The following GPR63 variants were observed in gnomAD, a reference collection of about 807,000 sequenced individuals.
GPR63 encodes the protein G protein-coupled receptor 63.
Under a neutral mutation model 23.1 loss-of-function variants are expected in GPR63, and 12 were observed. The ratio of observed to expected loss-of-function variants is 0.52; its 90% CI spans 0.33 to 0.84. GPR63 has a LOEUF of 0.84. GPR63 is among the 40% of genes least tolerant of loss of function. The probability of loss-of-function intolerance (pLI) is 0.02; values close to 1 mark genes in which losing one functional copy is unlikely to be tolerated. For synonymous variants in GPR63, 172 were observed against 191.1 expected (o/e 0.90, Z 0.82); for missense variants, 472 against 515.6 (o/e 0.92, Z 0.82).
intron 1 of GPR63, among the ~76,000 whole-genome samples, chr6:96,801,914 T>C (rs1773775932): frequency 6.6e-6 from 1 of 152,146 alleles, no homozygotes. Context: ...ATAATCACCA[T>C]CAGCCTCTAT....
intron 1 of GPR63, among the ~76,000 whole-genome samples, chr6:96,826,079 A>G (rs1263272529): frequency 6.6e-6 from 1 of 152,138 alleles, no homozygotes; most frequent in East Asian, 1.9e-4. Context: ...GCATAAAATA[A>G]CTATTCATTT....
rs1233964858 is a variant in GPR63 at position 96,796,692 on chromosome 6, G to A, written c.*1780C>T. 2 of 152,226 alleles carry A rather than the reference G, an allele frequency of 1.3e-5. No homozygotes were observed. Among genetic ancestry groups the A allele is most frequent in the Non-Finnish European group, 2.9e-5 (2 of 68,056 alleles). 9.4% of individuals were successfully genotyped at this position (152,226 alleles called of 1,614,324 possible). A position where few individuals can be genotyped will look rare whatever the true frequency, so the allele number is the denominator to read the frequency against. On this transcript the variant is annotated 3_prime_UTR_variant, in exon 2 of 2. Coordinates refer to ENST00000229955, the MANE Select transcript of GPR63 (RefSeq NM_030784.4). ...ACGTTCACAAACTCCAGCTCTGCTA[G>A]GGCAAGCATTGGGGCAACAATACTA...
In GPR63 at chr6:96,799,279, T is replaced by C; in HGVS notation, c.453A>G (p.Lys151=). 1 of 1,614,074 alleles carries C rather than the reference T, an allele frequency of 6.2e-7. No homozygotes were observed. The highest frequency in any genetic ancestry group is 1.3e-5 in the African/African-American group (1 of 75,004). ...TILTTRWIFG[K]FFCRVSAMFF... Reference sequence around the variant, plus strand: ...ACATAGCAGATACCCTACAGAAGAATTTCCCAAAAATCCATCGGGTAGTAA... The same window carrying C: ...ACATAGCAGATACCCTACAGAAGAACTTCCCAAAAATCCATCGGGTAGTAA... Residue 151 remains lysine (K), a synonymous_variant, in exon 2 of 2, where the codon AAA becomes AAG. Coordinates refer to ENST00000229955, the MANE Select transcript of GPR63 (RefSeq NM_030784.4).
chr6:96,810,766 C>T (rs1256766494), intron 1 of GPR63, among the ~76,000 whole-genome samples: 2 of 152,096 alleles, frequency 1.3e-5, no homozygotes, highest in Non-Finnish European at 2.9e-5. Context: ...ACCAAACGGA[C>T]AAAAGGGATT....
chr6:96,799,019 C>T lies in GPR63; in HGVS notation c.713G>A (p.Gly238Asp). The change falls in exon 2 of 2, where the codon GGC (glycine) becomes GAC (aspartate). Residue 238 changes from glycine (G) to aspartate (D), a missense_variant. Physicochemically the swap from Gly to Asp is moderately conservative, Grantham distance 94. Transcript: ENST00000229955. ...AATCAAAATCACATAAGCCTGGTAG[C>T]CTGGATTGGTTGTGTACCCAAACAC... is the stretch of plus-strand genomic sequence containing the variant. ...QCVFGYTTNP[G>D]YQAYVILISL... 2 of 1,614,072 alleles carry T rather than the reference C, an allele frequency of 1.2e-6. No homozygotes were observed. The highest frequency in any genetic ancestry group is 1.7e-6 in the Non-Finnish European group (2 of 1,180,018).
intron 1 of GPR63, among the ~76,000 whole-genome samples, chr6:96,804,643 CTTAA>C (rs1366071332): frequency 2.0e-5 from 3 of 152,020 alleles, no homozygotes; most frequent in African/African-American, 4.8e-5. Context: ...GGTACTCATT[CTTAA>C]TTATTTTAAA....
In GPR63 at chr6:96,799,260, C is replaced by T. The variant is rs1773689476; in HGVS notation, c.472G>A (p.Ala158Thr). Reference sequence around the variant, plus strand: ...ATCACAAATAACCAGAAAAACATAGCAGATACCCTACAGAAGAATTTCCCA... The same window carrying T: ...ATCACAAATAACCAGAAAAACATAGTAGATACCCTACAGAAGAATTTCCCA... Reference protein sequence around the residue: ...IFGKFFCRVSAMFFWLFVIEG... With the variant: ...IFGKFFCRVSTMFFWLFVIEG... Residue 158 changes from alanine (A) to threonine (T), a missense_variant, in exon 2 of 2, where the codon GCT becomes ACT. By Grantham distance (58) the Ala-to-Thr change is moderately conservative. Coordinates refer to ENST00000229955, the MANE Select transcript of GPR63 (RefSeq NM_030784.4). The T allele has an allele frequency of 2.5e-6, 4 of 1,614,058 alleles. No individual in the cohort carries two copies. The East Asian group carries it at 8.9e-5, about 36-fold the overall frequency.
chr6:96,826,011 AAAG>A (rs763624674), intron 1 of GPR63, among the ~76,000 whole-genome samples: 1 of 152,130 alleles, frequency 6.6e-6, no homozygotes, highest in Non-Finnish European at 1.5e-5. Context: ...TAAAAAATAA[AAAG>A]AATAAAAACA....
At chr6:96,833,076 C>T (rs1351801651) in intron 1 of GPR63, among the ~76,000 whole-genome samples, 3 of 152,142 alleles carry the variant, frequency 2.0e-5, no homozygotes, top group African/African-American at 7.2e-5. Context: ...TAGAAGGTAT[C>T]GTGGTTTATG....
rs933595736 is a variant in GPR63 at position 96,819,949 on chromosome 6, T to C, written c.-151+17319A>G. On this transcript the variant is annotated intron_variant, in intron 1 of 1. Transcript: ENST00000229955. The stretch of plus-strand genomic sequence containing the variant: ...TGATATCGCTCACTGCACTCCAGCC[T>C]GGGCAACACAGCGAGACTCTGTCTC... Among the ~76,000 whole-genome samples, 268 of 122,910 alleles carry C rather than the reference T, an allele frequency of 2.2e-3. 3 individuals carry two copies. The highest frequency in any genetic ancestry group is 8.0e-3 in the African/African-American group (247 of 30,972). The allele number at this position is 122,910 out of a possible 152,430, so 80.6% of individuals were successfully genotyped here. A position where few individuals can be genotyped will look rare whatever the true frequency, so the allele number is the denominator to read the frequency against.
chr6:96,821,508 T>C (rs1403762616), intron 1 of GPR63, among the ~76,000 whole-genome samples: 1 of 152,214 alleles, frequency 6.6e-6, no homozygotes, highest in Non-Finnish European at 1.5e-5. Context: ...CAGCTTCTTT[T>C]GTCTTTTCAC....
At chr6:96,804,863 G>T (rs776177997) in intron 1 of GPR63, among the ~76,000 whole-genome samples, 1 of 152,042 alleles carries the variant, frequency 6.6e-6, no homozygotes, top group African/African-American at 2.4e-5. Context: ...TATTAATGTA[G>T]TTATGTAAAT....
intron 1 of GPR63, among the ~76,000 whole-genome samples, chr6:96,814,576 G>A (rs1024293346): frequency 1.3e-5 from 2 of 152,102 alleles, no homozygotes; most frequent in African/African-American, 2.4e-5. Context: ...CAGGGCGTCC[G>A]GCTCCAAAGT....
At position 96,795,138 on chromosome 6, in the gene GPR63, C is replaced by T. The variant is rs935247206; in HGVS notation, c.*3334G>A. 5.3e-5 allele frequency: 8 copies of T among 152,110 alleles called. No homozygotes were observed. The highest frequency in any genetic ancestry group is 3.3e-4 in the Admixed American group (5 of 15,274). 9.4% of individuals were successfully genotyped at this position (152,110 alleles called of 1,614,324 possible). A position where few individuals can be genotyped will look rare whatever the true frequency, so the allele number is the denominator to read the frequency against. On this transcript the variant is annotated 3_prime_UTR_variant, in exon 2 of 2. Coordinates refer to ENST00000229955, the MANE Select transcript of GPR63 (RefSeq NM_030784.4). The stretch of plus-strand genomic sequence containing the variant: ...GCTCAACCACAGACCCTCTGGAGGC[C>T]CAGGAATCTGTACTGTTAACAAGCT...
At chr6:96,832,956 A>G (rs1345518691) in intron 1 of GPR63, among the ~76,000 whole-genome samples, 6 of 152,220 alleles carry the variant, frequency 3.9e-5, no homozygotes, top group Non-Finnish European at 8.8e-5. Context: ...CGAAACTCCT[A>G]TCATTCAAGA....
At chr6:96,836,739 A>T (rs1174299158) in intron 1 of GPR63, among the ~76,000 whole-genome samples, 1 of 152,170 alleles carries the variant, frequency 6.6e-6, no homozygotes, top group African/African-American at 2.4e-5. Flanking sequence ...ACAGCGCCGC[A>T]AGCTGAACCA....
At chr6:96,828,632 C>CA (rs1178730929) in intron 1 of GPR63, among the ~76,000 whole-genome samples, 1 of 146,858 alleles carries the variant, frequency 6.8e-6, no homozygotes, top group East Asian at 2.0e-4. Context: ...GGAAAGAAGA[C>CA]AAAGAAAAAG....
intron 1 of GPR63, among the ~76,000 whole-genome samples, chr6:96,831,613 A>C (rs1368833645): frequency 6.6e-6 from 1 of 152,194 alleles, no homozygotes; most frequent in Non-Finnish European, 1.5e-5. Context: ...GTATGTATAA[A>C]AATTGAGCTA....
chr6:96,824,249 A>G (rs1185985291), intron 1 of GPR63, among the ~76,000 whole-genome samples: 1 of 152,114 alleles, frequency 6.6e-6, no homozygotes. Context: ...ATAAATTTTT[A>G]CAATATGCAT....
Sources: allele counts gnomAD v4.1 joint callset (sites outside exome capture counted in the v4.1 genomes callset), GRCh38; gene constraint gnomAD v4.1.1; transcripts MANE v1.5; gene names NCBI Gene and HGNC (gene_info 2026-07-23, HGNC 2026-07-21).